The following TMEM123 variants were observed in gnomAD, a reference collection of about 807,000 sequenced individuals.
The protein encoded by TMEM123 is transmembrane protein 123, also known as porimin.
In TMEM123, 16 loss-of-function variants were observed where a neutral mutation model predicts 19.7. That is an observed-to-expected ratio of 0.81 (90% confidence interval 0.55 to 1.23). The LOEUF is 1.23. Among genes scored for constraint, TMEM123 ranks in the 50% most tolerant of loss-of-function variants. The pLI is 0.00. For missense variants in TMEM123, 313 were observed against 257.8 expected (o/e 1.21, Z -1.47); for synonymous variants, 118 against 99.4 (o/e 1.19, Z -1.12).
chr11:102,435,520 CAGTT>C (rs1332392826), intron 2 of TMEM123, among the ~76,000 whole-genome samples: 1 of 151,898 alleles, frequency 6.6e-6, no homozygotes, highest in Non-Finnish European at 1.5e-5. Context: ...CTTTGGAAAA[CAGTT>C]TGGCAGTTCA....
intron 2 of TMEM123, among the ~76,000 whole-genome samples, chr11:102,425,632 G>C (rs768882004): frequency 2.9e-5 from 4 of 136,962 alleles, no homozygotes; most frequent in Non-Finnish European, 4.6e-5. Context: ...GCCCAGGCTA[G>C]AAGTGCAGTG....
intron 2 of TMEM123, among the ~76,000 whole-genome samples, chr11:102,411,684 GAAAA>G (rs796687491): frequency 1.4e-5 from 2 of 142,560 alleles, no homozygotes; most frequent in Non-Finnish European, 3.1e-5. Context: ...GCAGAGGTGG[GAAAA>G]AAAAAAAACA....
intron 2 of TMEM123, among the ~76,000 whole-genome samples, chr11:102,439,636 C>T (rs111604436): frequency 0.015 from 2,260 of 152,288 alleles, 25 homozygotes; most frequent in Non-Finnish European, 0.025. Flanking sequence ...ATCAGAGCGC[C>T]TCTTCTCCTC....
At chr11:102,448,786 T>C (rs1565357924) in intron 2 of TMEM123, 26 bp downstream of exon 2, 3 of 1,610,118 alleles carry the variant, frequency 1.9e-6, no homozygotes, top group Admixed American at 1.7e-5. Context: ...AATGAAAATT[T>C]GTTTTTTTAA....
intron 2 of TMEM123, 55 bp from the exon 3 acceptor site, chr11:102,402,261 C>T (rs1330469374): frequency 1.3e-5 from 20 of 1,550,134 alleles, no homozygotes; most frequent in Non-Finnish European, 1.6e-5. Context: ...GGAATAAGAT[C>T]CCATTTCACT....
chr11:102,416,103 C>A (rs2135849954), intron 2 of TMEM123, among the ~76,000 whole-genome samples: 1 of 152,166 alleles, frequency 6.6e-6, no homozygotes, highest in South Asian at 2.1e-4. Context: ...TTAGTAGAGA[C>A]AGAGTTTTAC....
chr11:102,400,261 CCAT>C (rs1425288027), intron 4 of TMEM123, among the ~76,000 whole-genome samples: 2 of 152,180 alleles, frequency 1.3e-5, no homozygotes, highest in Non-Finnish European at 2.9e-5. Flanking sequence ...GTGTTAGCTC[CCAT>C]TGAAGAGGGG....
chr11:102,450,528 A>T (rs1193427892), intron 1 of TMEM123, among the ~76,000 whole-genome samples: 1 of 152,244 alleles, frequency 6.6e-6, no homozygotes, highest in Non-Finnish European at 1.5e-5. Flanking sequence ...ACTGTGAAGA[A>T]TATTTTAAAA....
At chr11:102,427,290 C>A (rs1952137097) in intron 2 of TMEM123, among the ~76,000 whole-genome samples, 1 of 152,034 alleles carries the variant, frequency 6.6e-6, no homozygotes, top group Non-Finnish European at 1.5e-5. Flanking sequence ...TCAGTCTTAA[C>A]TTGTTCCTTG....
At chr11:102,436,990 A>G (rs559828160) in intron 2 of TMEM123, among the ~76,000 whole-genome samples, 28 of 152,260 alleles carry the variant, frequency 1.8e-4, no homozygotes, top group Non-Finnish European at 2.9e-4. Context: ...TTTTTGGCCT[A>G]TGTTTTATGT....
intron 2 of TMEM123, among the ~76,000 whole-genome samples, chr11:102,413,421 C>T (rs1276908408): frequency 6.6e-6 from 1 of 152,208 alleles, no homozygotes; most frequent in Non-Finnish European, 1.5e-5. Context: ...TCACCACTGG[C>T]ACATACACAT....
At chr11:102,436,977 CT>C (rs956185205) in intron 2 of TMEM123, among the ~76,000 whole-genome samples, 44 of 152,102 alleles carry the variant, frequency 2.9e-4, no homozygotes, top group Non-Finnish European at 5.1e-4. Flanking sequence ...CCTAGGTCTA[CT>C]TTTTTTGGCC....
At chr11:102,445,673 T>C (rs1264283548) in intron 2 of TMEM123, among the ~76,000 whole-genome samples, 1 of 152,254 alleles carries the variant, frequency 6.6e-6, no homozygotes, top group Admixed American at 6.5e-5. Context: ...AAATTTCCAC[T>C]GCCTTCTTCT....
chr11:102,422,836 CTA>C (rs1455979999), intron 2 of TMEM123, among the ~76,000 whole-genome samples: 1 of 152,174 alleles, frequency 6.6e-6, no homozygotes, highest in African/African-American at 2.4e-5. Context: ...ATCCTAAGAG[CTA>C]TGTTTTAAGA....
At chr11:102,446,883 T>C (rs1453474618) in intron 2 of TMEM123, among the ~76,000 whole-genome samples, 2 of 152,084 alleles carry the variant, frequency 1.3e-5, no homozygotes, top group African/African-American at 4.8e-5. Flanking sequence ...TGAGAGGAAA[T>C]ATGGCGCCAC....
At chr11:102,408,971 T>C (rs1951979374) in intron 2 of TMEM123, among the ~76,000 whole-genome samples, 1 of 152,232 alleles carries the variant, frequency 6.6e-6, no homozygotes, top group African/African-American at 2.4e-5. Flanking sequence ...CTATCTCTGC[T>C]GTGTTGAAAT....
At chr11:102,413,610 C>A in intron 2 of TMEM123, among the ~76,000 whole-genome samples, 1 of 152,192 alleles carries the variant, frequency 6.6e-6, no homozygotes, top group South Asian at 2.1e-4. Context: ...GCACACAGCC[C>A]CGGAGTGCTG....
At position 102,402,069 on chromosome 11, in the gene TMEM123, T is replaced by G. The variant is rs112040237; in HGVS notation, c.295A>C (p.Thr99Pro). 0.013 allele frequency: 21,302 copies of G among 1,613,654 alleles called. 165 individuals are homozygous for G. The highest frequency in any genetic ancestry group is 0.016 in the Non-Finnish European group (18,309 of 1,179,986). Residue 99 changes from threonine (T) to proline (P), a missense_variant, in exon 3 of 5, where the codon ACA becomes CCA. Physicochemically the swap from Thr to Pro is conservative, Grantham distance 38. Coordinates refer to ENST00000398136, the MANE Select transcript of TMEM123 (RefSeq NM_052932.3). ...ATATTTGTTGAGACCATCCCTGGTGTTGTTGTATTAGATGCCGCTGTAGGT... is the reference window on the plus strand; with the variant it reads ...ATATTTGTTGAGACCATCCCTGGTGGTGTTGTATTAGATGCCGCTGTAGGT... The part of the protein sequence containing the change: ...MKPTAASNTT[T>P]PGMVSTNMTS...
At chr11:102,450,010 G>A (rs77422079) in intron 1 of TMEM123, among the ~76,000 whole-genome samples, 3,525 of 152,138 alleles carry the variant, frequency 0.023, 158 homozygotes, top group African/African-American at 0.081. Context: ...CCCAATTGTT[G>A]CATTACCAGC....
Sources: allele counts gnomAD v4.1 joint callset (sites outside exome capture counted in the v4.1 genomes callset), GRCh38; gene constraint gnomAD v4.1.1; transcripts MANE v1.5; gene names NCBI Gene and HGNC (gene_info 2026-07-23, HGNC 2026-07-21).